The following ANO4 variants were observed in gnomAD, a reference collection of about 807,000 sequenced individuals.
ANO4 encodes anoctamin 4.
In ANO4, 69 loss-of-function variants were observed where a neutral mutation model predicts 141.9. The observed-to-expected ratio is 0.49, with a 90% CI of 0.40 to 0.59. The LOEUF (loss-of-function observed/expected upper bound fraction) is 0.59, where lower values mean the gene tolerates loss of function less well. Among genes scored for constraint, ANO4 ranks in the 20% least tolerant of loss-of-function variants. The pLI is 0.00. For synonymous variants in ANO4, 350 were observed against 394.3 expected, an observed-to-expected ratio of 0.89 and a Z score of 1.33; for missense variants, 894 against 1,162.2, an observed-to-expected ratio of 0.77 and a Z score of 3.36.
chr12:101,039,758 A>G (rs2047343501), intron 10 of ANO4, among the ~76,000 whole-genome samples, 197 bp from the exon 11 acceptor site: 1 of 152,196 alleles, frequency 6.6e-6, no homozygotes, highest in African/African-American at 2.4e-5. Context: ...AAGCACGTGC[A>G]TTTTACTAGA....
intron 15 of ANO4, among the ~76,000 whole-genome samples, chr12:101,080,980 T>C (rs975255031): frequency 2.1e-5 from 3 of 146,064 alleles, no homozygotes; most frequent in African/African-American, 7.6e-5. Context: ...TGTATATATA[T>C]CTAGAACCTA....
intron 1 of ANO4, among the ~76,000 whole-genome samples, chr12:100,825,203 A>G (rs2036265579): frequency 6.6e-6 from 1 of 152,026 alleles, no homozygotes; most frequent in Non-Finnish European, 1.5e-5. Context: ...TGGTTTAGGA[A>G]GGAAAATTAA....
intron 22 of ANO4, among the ~76,000 whole-genome samples, chr12:101,104,148 G>T (rs962719230): frequency 2.0e-5 from 3 of 151,598 alleles, no homozygotes; most frequent in African/African-American, 7.3e-5. Context: ...TACCTTAGAG[G>T]TTTATTAATC....
chr12:100,794,764 A>G (rs2034196355), upstream of ANO4: 1 of 152,016 alleles, frequency 6.6e-6, no homozygotes, highest in Non-Finnish European at 1.5e-5. Context: ...CGGTGGTGAA[A>G]TCCACCAGGC....
chr12:100,948,303 C>T (rs2042825680), intron 5 of ANO4, among the ~76,000 whole-genome samples: 1 of 152,010 alleles, frequency 6.6e-6, no homozygotes, highest in Admixed American at 6.6e-5. Flanking sequence ...CTCTAGTAGC[C>T]ATAGACTTGA....
At chr12:100,865,534 G>A (rs529559635) in intron 1 of ANO4, among the ~76,000 whole-genome samples, 45 of 152,096 alleles carry the variant, frequency 3.0e-4, no homozygotes, top group African/African-American at 8.9e-4. Context: ...ACATTTATGC[G>A]GCCAACAAAC....
chr12:101,113,130 G>A (rs7955770), intron 24 of ANO4, among the ~76,000 whole-genome samples: 7,809 of 152,188 alleles, frequency 0.051, 630 homozygotes, highest in African/African-American at 0.17. Flanking sequence ...ACAAGGCATA[G>A]TAACTCTGGG....
chr12:100,931,253 G>A lies in ANO4; in HGVS notation c.161-8062G>A, dbSNP rs1038430113. On this transcript the variant is annotated intron_variant, in intron 3 of 27. Transcript: ENST00000392977. The stretch of plus-strand genomic sequence containing the variant: ...AGCTGTATTGTGTCTTTGTATTTCC[G>A]TGAATTTTTAAGACAATAATGGATC... Among the ~76,000 whole-genome samples the A allele has an allele frequency of 3.3e-4, 50 of 152,158 alleles. 1 individual carries two copies. Among genetic ancestry groups the A allele is most frequent in the African/African-American group, 1.1e-3 (45 of 41,528 alleles).
chr12:101,038,531 A>C (rs921810725), intron 10 of ANO4: 4 of 152,166 alleles, frequency 2.6e-5, no homozygotes, highest in African/African-American at 9.7e-5. Flanking sequence ...GAAGTTCCAA[A>C]TTGGTAATAG....
intron 3 of ANO4, among the ~76,000 whole-genome samples, chr12:100,759,207 G>A (rs1348003724): frequency 6.6e-6 from 1 of 152,148 alleles, no homozygotes; most frequent in Non-Finnish European, 1.5e-5. Context: ...AATCTTACAT[G>A]CTTTCTGCTG....
chr12:101,048,027 C>T, intron 13 of ANO4: 1 of 1,081,454 alleles, frequency 9.2e-7, no homozygotes, highest in Non-Finnish European at 1.1e-6. Context: ...TATATCCATA[C>T]ACATATGTAC....
chr12:101,021,400 C>CT (rs2046520926), intron 9 of ANO4, among the ~76,000 whole-genome samples: 1 of 152,194 alleles, frequency 6.6e-6, no homozygotes, highest in Non-Finnish European at 1.5e-5. Context: ...GGAAGAGAAA[C>CT]CCCTTCCTCC....
chr12:101,066,120 A>G (rs1250266788), intron 14 of ANO4, among the ~76,000 whole-genome samples: 1 of 152,246 alleles, frequency 6.6e-6, no homozygotes, highest in Non-Finnish European at 1.5e-5. Flanking sequence ...CTTCAACATA[A>G]TAAAAGCCAC....
At chr12:101,052,698 T>A (rs2047924189) in intron 14 of ANO4, among the ~76,000 whole-genome samples, 1 of 152,238 alleles carries the variant, frequency 6.6e-6, no homozygotes. Context: ...TCTAGATATT[T>A]ATGCTAACTT....
At chr12:100,831,487 C>T (rs2036629105) in intron 1 of ANO4, among the ~76,000 whole-genome samples, 1 of 150,072 alleles carries the variant, frequency 6.7e-6, no homozygotes, top group Non-Finnish European at 1.5e-5. Flanking sequence ...GGTCTATAGT[C>T]AATCACTTCC....
chr12:100,793,474 C>T (rs570141939), upstream of ANO4, among the ~76,000 whole-genome samples: 39 of 152,056 alleles, frequency 2.6e-4, 2 homozygotes, highest in African/African-American at 8.4e-4. Context: ...AGCTTGCCTA[C>T]GGGTAGAGAT....
At chr12:101,124,439 G>C (rs1566282550) in intron 26 of ANO4, among the ~76,000 whole-genome samples, 1 of 152,024 alleles carries the variant, frequency 6.6e-6, no homozygotes, top group East Asian at 1.9e-4. Flanking sequence ...TCTGATGATA[G>C]TTTTTTTGTG....
At chr12:100,754,949 T>C (rs1302705706) in intron 3 of ANO4, among the ~76,000 whole-genome samples, 1 of 152,148 alleles carries the variant, frequency 6.6e-6, no homozygotes, top group African/African-American at 2.4e-5. Flanking sequence ...AGGGTTTCCT[T>C]TTGTGGTGAT....
chr12:100,963,045 C>T (rs1021165600), intron 5 of ANO4, among the ~76,000 whole-genome samples: 13 of 152,132 alleles, frequency 8.5e-5, no homozygotes, highest in African/African-American at 3.1e-4. Context: ...ATGATTGTGC[C>T]ATTTCCTGGT....
Sources: allele counts gnomAD v4.1 joint callset (sites outside exome capture counted in the v4.1 genomes callset), GRCh38; gene constraint gnomAD v4.1.1; transcripts MANE v1.5; gene names NCBI Gene and HGNC (gene_info 2026-07-23, HGNC 2026-07-21).